SHISA6: variants seen among roughly 807,000 people sequenced by gnomAD.
SHISA6 encodes the protein protein shisa-6.
In SHISA6, 22 loss-of-function variants were observed where a neutral mutation model predicts 47.9. That is an observed-to-expected ratio of 0.46 (90% confidence interval 0.33 to 0.66). The LOEUF is 0.66. Among genes scored for constraint, SHISA6 ranks in the 30% least tolerant of loss-of-function variants. The pLI, the probability that SHISA6 is intolerant of heterozygous loss-of-function variation, is 0.02. For missense variants in SHISA6, 680 were observed against 764.6 expected, an observed-to-expected ratio of 0.89 and a Z score of 1.30; for synonymous variants, 388 against 337.8, an observed-to-expected ratio of 1.15 and a Z score of -1.63.
intron 3 of SHISA6, among the ~76,000 whole-genome samples, chr17:11,488,968 G>A (rs936867719): frequency 6.6e-6 from 1 of 152,142 alleles, no homozygotes; most frequent in African/African-American, 2.4e-5. Flanking sequence ...GCTGCTCCCT[G>A]ATGAGTCTGT....
chr17:11,558,307 G>C lies in SHISA6; in HGVS notation c.*3G>C, dbSNP rs146454723. 1 of 1,536,102 alleles carries C rather than the reference G, an allele frequency of 6.5e-7. No individual in the cohort carries two copies. The highest frequency in any genetic ancestry group is 8.7e-7 in the Non-Finnish European group (1 of 1,145,842). On this transcript the variant is annotated 3_prime_UTR_variant, in exon 6 of 6. Transcript: ENST00000441885. ...GCAAGACCGAAGTGACCGTGTGACCGGCGGGGCAGGGCCGGGGCTGCTGGG... is the reference window on the plus strand; with the variant it reads ...GCAAGACCGAAGTGACCGTGTGACCCGCGGGGCAGGGCCGGGGCTGCTGGG...
At chr17:11,318,821 T>C (rs1310639935) in intron 2 of SHISA6, among the ~76,000 whole-genome samples, 1 of 152,218 alleles carries the variant, frequency 6.6e-6, no homozygotes, top group African/African-American at 2.4e-5. Context: ...GTCTTTATTA[T>C]GTAAATGACT....
intron 3 of SHISA6, among the ~76,000 whole-genome samples, chr17:11,496,298 C>A (rs1255198453): frequency 6.6e-6 from 1 of 152,190 alleles, no homozygotes; most frequent in East Asian, 1.9e-4. Flanking sequence ...CCATCCACCA[C>A]AGGTGAGACT....
At position 11,474,513 on chromosome 17, in the gene SHISA6, G is replaced by A. The variant is rs537479816; in HGVS notation, c.896-77383G>A. On this transcript the variant is annotated intron_variant, in intron 3 of 5. Coordinates refer to ENST00000441885, the MANE Select transcript of SHISA6 (RefSeq NM_207386.4). ...GAGTGTAAGGTTTGGATTGATTTTTGTGTGTGTGGATTTCCAGTTGTTCCA... is the reference window on the plus strand; with the variant it reads ...GAGTGTAAGGTTTGGATTGATTTTTATGTGTGTGGATTTCCAGTTGTTCCA... Among the ~76,000 whole-genome samples the A allele has an allele frequency of 2.6e-4, 40 of 151,228 alleles. No individual in the cohort carries two copies. In the South Asian group the frequency reaches 6.7e-3, roughly 25 times the overall value.
At chr17:11,501,775 G>A (rs1010373530) in intron 3 of SHISA6, among the ~76,000 whole-genome samples, 3 of 151,996 alleles carry the variant, frequency 2.0e-5, no homozygotes, top group African/African-American at 7.3e-5. Flanking sequence ...AAGAGCCTCC[G>A]GTGACACACT....
rs187575685 is a variant in SHISA6, at chr17:11,558,081, C to T, written c.1433C>T (p.Thr478Met). ...TCGCTGTCCAGGGCCATCTCGCACA[C>T]GGACGTCTTTGTGTCCACACCCGTG... The part of the protein sequence containing the change: ...EQSLSRAISH[T>M]DVFVSTPVLD... Residue 478 changes from threonine (T) to methionine (M), a missense_variant, in exon 6 of 6, where the codon ACG becomes ATG. By Grantham distance (81) the Thr-to-Met change is moderately conservative. This residue lies in a region of SHISA6 where 559 missense variants were observed against 674.1 expected (regional missense o/e 0.83). Coordinates refer to ENST00000441885, the MANE Select transcript of SHISA6 (RefSeq NM_207386.4). 70 of 1,551,618 alleles carry T rather than the reference C, an allele frequency of 4.5e-5. No homozygotes were observed. Among genetic ancestry groups the T allele is most frequent in the African/African-American group, 1.5e-4 (11 of 73,192 alleles).
chr17:11,351,482 T>A (rs1911890140), intron 2 of SHISA6, among the ~76,000 whole-genome samples: 1 of 152,182 alleles, frequency 6.6e-6, no homozygotes, highest in South Asian at 2.1e-4. Context: ...ATTCTACTCA[T>A]CTTTCAAGTT....
chr17:11,450,804 C>T (rs1321315718), intron 3 of SHISA6, among the ~76,000 whole-genome samples: 1 of 151,978 alleles, frequency 6.6e-6, no homozygotes, highest in Non-Finnish European at 1.5e-5. Flanking sequence ...GAAAGAAGAA[C>T]CAATTGGTCG....
chr17:11,499,049 T>C (rs547664919), intron 3 of SHISA6, among the ~76,000 whole-genome samples: 1 of 152,272 alleles, frequency 6.6e-6, no homozygotes, highest in African/African-American at 2.4e-5. Context: ...CCTTCAGAGA[T>C]TGGGCTGGGC....
At chr17:11,292,594 G>C (rs1477412418) in intron 2 of SHISA6, among the ~76,000 whole-genome samples, 1 of 151,924 alleles carries the variant, frequency 6.6e-6, no homozygotes, top group Admixed American at 6.6e-5. Context: ...AAGATCCTGG[G>C]GAAGAAAATT....
At chr17:11,427,126 TTTGTTG>T (rs556894783) in intron 3 of SHISA6, among the ~76,000 whole-genome samples, 4 of 151,908 alleles carry the variant, frequency 2.6e-5, no homozygotes, top group African/African-American at 4.8e-5. Context: ...CTTTCGTATG[TTTGTTG>T]TTGTTGTTGT....
chr17:11,341,439 A>G (rs1471501938), intron 2 of SHISA6, among the ~76,000 whole-genome samples: 1 of 144,030 alleles, frequency 6.9e-6, no homozygotes, highest in East Asian at 2.1e-4. Context: ...GATTCAAGTG[A>G]TTCTCTTGCC....
chr17:11,413,320 G>T (rs1914189417), intron 3 of SHISA6, among the ~76,000 whole-genome samples: 1 of 152,172 alleles, frequency 6.6e-6, no homozygotes, highest in Admixed American at 6.5e-5. Context: ...GAGTTTATCT[G>T]CCCTATAGAA....
intron 3 of SHISA6, among the ~76,000 whole-genome samples, chr17:11,550,316 A>G (rs749035152): frequency 1.3e-5 from 2 of 152,032 alleles, no homozygotes; most frequent in Non-Finnish European, 2.9e-5. Context: ...TGGCCTCTCA[A>G]AGTGCTGGGA....
At chr17:11,334,815 A>G (rs72824646) in intron 2 of SHISA6, among the ~76,000 whole-genome samples, 2,723 of 152,300 alleles carry the variant, frequency 0.018, 40 homozygotes, top group Middle Eastern at 0.051. Flanking sequence ...AACTGTGGAC[A>G]CCTGGAATTC....
intron 3 of SHISA6, among the ~76,000 whole-genome samples, chr17:11,510,026 A>G (rs2071529869): frequency 2.6e-5 from 4 of 152,084 alleles, no homozygotes; most frequent in Admixed American, 2.6e-4. Context: ...AAACCGAGGA[A>G]GAAGAAAGCA....
intron 2 of SHISA6, among the ~76,000 whole-genome samples, chr17:11,301,032 C>G (rs946523204): frequency 6.6e-6 from 1 of 152,070 alleles, no homozygotes. Flanking sequence ...TTTGCAAGGC[C>G]TGAAGCAAAA....
chr17:11,358,459 A>C (rs576179935), intron 2 of SHISA6, among the ~76,000 whole-genome samples: 1 of 150,358 alleles, frequency 6.7e-6, no homozygotes, highest in African/African-American at 2.5e-5. Flanking sequence ...TCTTGGGTTC[A>C]CGCCATTCTC....
chr17:11,284,948 C>A (rs1186877513), intron 2 of SHISA6, among the ~76,000 whole-genome samples: 2 of 152,192 alleles, frequency 1.3e-5, no homozygotes, highest in African/African-American at 4.8e-5. Flanking sequence ...TGACTCAATT[C>A]TTTGGTTTCT....
Sources: allele counts gnomAD v4.1 joint callset (sites outside exome capture counted in the v4.1 genomes callset), GRCh38; gene constraint gnomAD v4.1.1; regional missense constraint gnomAD v4.1.1; transcripts MANE v1.5; gene names NCBI Gene and HGNC (gene_info 2026-07-23, HGNC 2026-07-21).